GRM8: variants seen among roughly 807,000 people sequenced by gnomAD.
GRM8 encodes the protein metabotropic glutamate receptor 8.
In GRM8, 47 loss-of-function variants were observed where a neutral mutation model predicts 87.2. That is an observed-to-expected ratio of 0.54 (90% CI 0.43 to 0.69). GRM8 has a LOEUF of 0.69. Among genes scored for constraint, GRM8 ranks in the 30% least tolerant of loss-of-function variants. GRM8 has a pLI of 0.00. For missense variants in GRM8, 1,019 were observed against 1,139.2 expected (o/e 0.89, Z 1.52); for synonymous variants, 396 against 404.5 (o/e 0.98, Z 0.25).
chr7:127,235,455 A>G (rs1448621520), intron 2 of GRM8, among the ~76,000 whole-genome samples: 3 of 152,240 alleles, frequency 2.0e-5, no homozygotes, highest in Admixed American at 6.5e-5. Flanking sequence ...TGTTGGTCCA[A>G]GAAAGGGCCC....
At chr7:126,790,667 A>C (rs986385247) in intron 6 of GRM8, among the ~76,000 whole-genome samples, 1 of 152,122 alleles carries the variant, frequency 6.6e-6, no homozygotes, top group Non-Finnish European at 1.5e-5. Context: ...AGGCAGTCAG[A>C]GGGTGAAGAA....
At chr7:126,879,404 T>G (rs560730141) in intron 6 of GRM8, among the ~76,000 whole-genome samples, 18 of 152,214 alleles carry the variant, frequency 1.2e-4, no homozygotes, top group Non-Finnish European at 2.4e-4. Flanking sequence ...TATGCATGAT[T>G]ATTTTTAAGT....
rs931870082 is a variant in GRM8 at position 126,984,262 on chromosome 7, A to G, written c.728-79579T>C. Reference sequence around the variant, plus strand: ...AGGATGTGTATGGGTTCAAGTTGGCAAGGGTGGACTTGTGATGGTTAATAT... The same window carrying G: ...AGGATGTGTATGGGTTCAAGTTGGCGAGGGTGGACTTGTGATGGTTAATAT... On this transcript the variant is annotated intron_variant, in intron 3 of 10. Coordinates refer to ENST00000339582, the MANE Select transcript of GRM8 (RefSeq NM_000845.3). Among the ~76,000 whole-genome samples the G allele has an allele frequency of 3.9e-5, 6 of 152,278 alleles. No homozygotes were observed. The East Asian group carries it at 1.2e-3, about 29-fold the overall frequency.
chr7:127,041,105 G>A (rs1818390493), intron 3 of GRM8, among the ~76,000 whole-genome samples: 1 of 152,196 alleles, frequency 6.6e-6, no homozygotes, highest in African/African-American at 2.4e-5. Flanking sequence ...TAATTAGCAT[G>A]TCTGTGGTCA....
At chr7:127,164,617 C>T (rs1216918498) in intron 2 of GRM8, among the ~76,000 whole-genome samples, 4 of 152,094 alleles carry the variant, frequency 2.6e-5, no homozygotes, top group African/African-American at 9.7e-5. Flanking sequence ...TGGAGAGTTC[C>T]AATCTTATTT....
intron 7 of GRM8, among the ~76,000 whole-genome samples, chr7:126,649,408 G>C (rs2151236959): frequency 6.6e-6 from 1 of 152,264 alleles, no homozygotes; most frequent in East Asian, 1.9e-4. Context: ...GATGCTTCCT[G>C]TCCTCAAATA....
chr7:126,873,270 G>T (rs1019622738), intron 6 of GRM8, among the ~76,000 whole-genome samples: 2 of 151,884 alleles, frequency 1.3e-5, no homozygotes, highest in Non-Finnish European at 2.9e-5. Flanking sequence ...TTTCTATTCC[G>T]AACATGACCA....
intron 2 of GRM8, among the ~76,000 whole-genome samples, chr7:127,185,560 A>G (rs12706768): frequency 0.2 from 30,295 of 152,128 alleles, 3,411 homozygotes; most frequent in Middle Eastern, 0.31. Context: ...TGAGTTTGAC[A>G]ACGAATTTTT....
intron 8 of GRM8, among the ~76,000 whole-genome samples, chr7:126,576,786 A>G (rs1012069660): frequency 6.6e-6 from 1 of 152,118 alleles, no homozygotes. Flanking sequence ...CAAAATGTCA[A>G]TGAGCTCCAG....
intron 5 of GRM8, among the ~76,000 whole-genome samples, chr7:126,903,725 A>G (rs1025730178): frequency 1.4e-5 from 2 of 138,494 alleles, no homozygotes; most frequent in South Asian, 2.2e-4. Flanking sequence ...GTATATATAT[A>G]TGTATATGTG....
At position 127,096,441 on chromosome 7, in the gene GRM8, T is replaced by G. The variant is rs1824661605; in HGVS notation, c.727+10055A>C. ...CAGGCATGGGAGCATGCACCTGTAATTCCAGCTACTCGGGAGACTGAGGTA... is the reference window on the plus strand; with the variant it reads ...CAGGCATGGGAGCATGCACCTGTAAGTCCAGCTACTCGGGAGACTGAGGTA... On this transcript the variant is annotated intron_variant, in intron 3 of 10. Transcript: ENST00000339582. Among the ~76,000 whole-genome samples the G allele has an allele frequency of 2.0e-5, 3 of 152,122 alleles. No individual in the cohort carries two copies. The South Asian group carries it at 6.2e-4, about 32-fold the overall frequency.
intron 8 of GRM8, among the ~76,000 whole-genome samples, chr7:126,599,866 T>A (rs1396512168): frequency 1.3e-5 from 2 of 152,098 alleles, no homozygotes; most frequent in Non-Finnish European, 2.9e-5. Flanking sequence ...GATGACACAA[T>A]GAACTGAATC....
chr7:126,558,639 T>C (rs975457258), intron 8 of GRM8, among the ~76,000 whole-genome samples: 2 of 152,202 alleles, frequency 1.3e-5, no homozygotes, highest in Admixed American at 6.5e-5. Context: ...ACGAAGATAG[T>C]TTTTATACTG....
chr7:127,214,841 G>T (rs1358684820), intron 2 of GRM8, among the ~76,000 whole-genome samples: 3 of 152,062 alleles, frequency 2.0e-5, no homozygotes, highest in Non-Finnish European at 4.4e-5. Context: ...TGTCAGTTTT[G>T]AATATAATTA....
chr7:127,235,503 G>A (rs570475302), intron 2 of GRM8, among the ~76,000 whole-genome samples: 13 of 152,232 alleles, frequency 8.5e-5, no homozygotes, highest in Admixed American at 5.2e-4. Flanking sequence ...AATAGTATTC[G>A]GATGAGGCTC....
At chr7:126,558,100 T>C (rs1793337691) in intron 8 of GRM8, among the ~76,000 whole-genome samples, 1 of 152,150 alleles carries the variant, frequency 6.6e-6, no homozygotes, top group African/African-American at 2.4e-5. Context: ...ATAAAGCAAC[T>C]TGAGTAAGCT....
intron 9 of GRM8, among the ~76,000 whole-genome samples, chr7:126,459,733 G>T (rs972137653): frequency 1.3e-5 from 2 of 151,404 alleles, no homozygotes; most frequent in African/African-American, 4.8e-5. Flanking sequence ...GGGGAGCCTG[G>T]ATATTTGCTA....
chr7:126,443,231 T>C (rs1352520211), intron 10 of GRM8, among the ~76,000 whole-genome samples: 2 of 152,016 alleles, frequency 1.3e-5, no homozygotes, highest in Non-Finnish European at 2.9e-5. Flanking sequence ...AATTCATATA[T>C]ATCAACTTTG....
intron 2 of GRM8, among the ~76,000 whole-genome samples, chr7:127,116,835 C>T (rs931800535): frequency 5.9e-5 from 9 of 152,142 alleles, no homozygotes; most frequent in Non-Finnish European, 1.3e-4. Context: ...CATAGACCAC[C>T]GTCTCCCATG....
Sources: gnomAD v4.1 joint callset for allele counts (sites outside exome capture counted in the v4.1 genomes callset) on GRCh38, gnomAD v4.1.1 for gene constraint, MANE v1.5 for transcripts, NCBI Gene and HGNC (gene_info 2026-07-23, HGNC 2026-07-21) for gene names.